The following USP40 variants were observed in gnomAD, a reference collection of about 807,000 sequenced individuals.
USP40 encodes the protein ubiquitin carboxyl-terminal hydrolase 40.
In USP40, 143 loss-of-function variants were observed where a neutral mutation model predicts 166.2. The observed-to-expected ratio is 0.86, with a 90% CI of 0.75 to 0.99. The LOEUF is 0.99. Ranked by LOEUF, USP40 falls within the 50% of genes least tolerant of loss-of-function variation. The pLI, the probability that USP40 is intolerant of heterozygous loss-of-function variation, is 0.00. For missense variants in USP40, 1,444 were observed against 1,479.7 expected (o/e 0.98, Z 0.40); for synonymous variants, 498 against 524.0 (o/e 0.95, Z 0.68).
At chr2:233,502,942 T>C (rs2066177736) in intron 21 of USP40, among the ~76,000 whole-genome samples, 1 of 152,108 alleles carries the variant, frequency 6.6e-6, no homozygotes, top group African/African-American at 2.4e-5. Context: ...AATGTGAAGA[T>C]ATCAACATAA....
At position 233,482,599 on chromosome 2, in the gene USP40, T is replaced by G. The variant is rs556930629; in HGVS notation, c.3505-1302A>C. On this transcript the variant is annotated intron_variant, in intron 30 of 31. Transcript: ENST00000678225. ...CCACTGGAGTTTTTTTTTTTTGTTT[T>G]TTTTTTTTTGACACACGGTCTGACT... 1.7e-3 allele frequency among the ~76,000 whole-genome samples: 245 copies of G among 142,404 alleles called. 1 individual carries two copies. Among genetic ancestry groups the G allele is most frequent in the African/African-American group, 6.9e-3 (225 of 32,630 alleles). The allele number at this position is 142,404 out of a possible 152,430, so 93.4% of individuals were successfully genotyped here.
At chr2:233,534,160 A>G (rs2068768860) in intron 10 of USP40, among the ~76,000 whole-genome samples, 1 of 152,228 alleles carries the variant, frequency 6.6e-6, no homozygotes, top group South Asian at 2.1e-4. Flanking sequence ...GTACCACCAT[A>G]AAAGATAATT....
At position 233,488,315 on chromosome 2, in the gene USP40, G is replaced by C; in HGVS notation, c.3132-11C>G. On this transcript the variant is annotated splice_polypyrimidine_tract_variant and intron_variant, in intron 27 of 31. Coordinates refer to ENST00000678225, the MANE Select transcript of USP40 (RefSeq NM_001365479.2). ...CCTAGTTTATATTCCCTGATAATAA[G>C]TGAAACAAGATAATATTGAGTGACA... 2 of 1,585,358 alleles carry C rather than the reference G, an allele frequency of 1.3e-6. No individual in the cohort carries two copies. The highest frequency in any genetic ancestry group is 1.7e-6 in the Non-Finnish European group (2 of 1,163,380).
chr2:233,479,836 C>T (rs573848813), intron 31 of USP40, among the ~76,000 whole-genome samples: 2 of 152,214 alleles, frequency 1.3e-5, no homozygotes, highest in South Asian at 4.1e-4. Context: ...TCAGCAAAGG[C>T]CACGGGACAG....
Position 233,555,560 on chromosome 2 carries a change from T to C in USP40, c.547-1034A>G, listed in dbSNP as rs115028323. ...TTTGAAAATACTCTGATTTACTACA[T>C]CATAGCTAAGTCAAGCATGTAGTAA... On this transcript the variant is annotated intron_variant, in intron 5 of 31. Coordinates refer to ENST00000678225, the MANE Select transcript of USP40 (RefSeq NM_001365479.2). Among the ~76,000 whole-genome samples the C allele has an allele frequency of 6.3e-3, 957 of 152,060 alleles. 5 individuals carry two copies. The highest frequency in any genetic ancestry group is 0.011 in the Non-Finnish European group (780 of 67,976).
intron 20 of USP40, among the ~76,000 whole-genome samples, chr2:233,511,356 G>A (rs1317720729): frequency 6.6e-6 from 1 of 152,130 alleles, no homozygotes; most frequent in Admixed American, 6.5e-5. Context: ...AGCTATAACT[G>A]CAGAACGTCC....
At chr2:233,528,002 A>T (rs1444154653) in intron 12 of USP40, among the ~76,000 whole-genome samples, 1 of 147,142 alleles carries the variant, frequency 6.8e-6, no homozygotes, top group Non-Finnish European at 1.5e-5. Flanking sequence ...TTTTTGAGAC[A>T]GAGTCTCACT....
At chr2:233,497,384 C>A (rs2065811762) in intron 23 of USP40, among the ~76,000 whole-genome samples, 1 of 152,076 alleles carries the variant, frequency 6.6e-6, no homozygotes, top group Non-Finnish European at 1.5e-5. Flanking sequence ...ATATGCATGA[C>A]ATTGAAGCAG....
At chr2:233,501,591 C>A (rs2066073523) in intron 21 of USP40, among the ~76,000 whole-genome samples, 1 of 152,128 alleles carries the variant, frequency 6.6e-6, no homozygotes. Context: ...TAGTAATGAA[C>A]AGAATGAGAT....
chr2:233,479,627 A>ACG (rs1553551137), intron 31 of USP40, among the ~76,000 whole-genome samples: 2 of 123,460 alleles, frequency 1.6e-5, no homozygotes, highest in Non-Finnish European at 3.5e-5. Flanking sequence ...ATAGAATTTT[A>ACG]CGTGTGTGTG....
At chr2:233,497,692 T>C (rs2065828046) in intron 23 of USP40, among the ~76,000 whole-genome samples, 1 of 152,242 alleles carries the variant, frequency 6.6e-6, no homozygotes, top group African/African-American at 2.4e-5. Context: ...CTGAAGCTAT[T>C]TGGGTAAATA....
At chr2:233,551,310 C>A in intron 7 of USP40, 66 bp downstream of exon 7, 3 of 1,484,002 alleles carry the variant, frequency 2.0e-6, no homozygotes, top group South Asian at 1.4e-5. Flanking sequence ...AACTGAAAAT[C>A]GGGTCAATAA....
At chr2:233,536,315 C>G (rs879369759) in intron 10 of USP40, among the ~76,000 whole-genome samples, 2 of 152,136 alleles carry the variant, frequency 1.3e-5, no homozygotes, top group Non-Finnish European at 2.9e-5. Flanking sequence ...AGTATAATAT[C>G]TGAAACGTAT....
chr2:233,482,511 G>A (rs776951431), intron 30 of USP40, among the ~76,000 whole-genome samples: 20 of 152,110 alleles, frequency 1.3e-4, no homozygotes, highest in East Asian at 1.9e-4. Flanking sequence ...TTGTATCGAC[G>A]GGCATCTGTG....
At chr2:233,484,785 G>C (rs1219978178) in intron 30 of USP40, among the ~76,000 whole-genome samples, 1 of 152,132 alleles carries the variant, frequency 6.6e-6, no homozygotes, top group Non-Finnish European at 1.5e-5. Context: ...GCCCAGCCTT[G>C]AATCTCCTTT....
intron 2 of USP40, among the ~76,000 whole-genome samples, chr2:233,564,017 T>C (rs1409329150): frequency 6.6e-6 from 1 of 152,258 alleles, no homozygotes; most frequent in East Asian, 1.9e-4. Flanking sequence ...ATTAGAAATG[T>C]ACTTATTAGT....
chr2:233,488,439 T>G, intron 27 of USP40, 135 bp from the exon 28 acceptor site: 1 of 750,718 alleles, frequency 1.3e-6, no homozygotes, highest in Middle Eastern at 3.4e-4. Context: ...CCCAAACTTT[T>G]GGAAAAGGGG....
At chr2:233,498,683 G>T in intron 22 of USP40, 71 bp from the exon 23 acceptor site, 1 of 1,303,322 alleles carries the variant, frequency 7.7e-7, no homozygotes. Flanking sequence ...ACTTCTAGAA[G>T]AATGTCTTGC....
intron 30 of USP40, among the ~76,000 whole-genome samples, chr2:233,482,380 C>G (rs967380650): frequency 2.7e-5 from 4 of 150,856 alleles, no homozygotes; most frequent in African/African-American, 9.8e-5. Context: ...AAAAAAAAAT[C>G]TGTCAATTTC....
Sources: gnomAD v4.1 joint callset for allele counts (sites outside exome capture counted in the v4.1 genomes callset) on GRCh38, gnomAD v4.1.1 for gene constraint, MANE v1.5 for transcripts, NCBI Gene and HGNC (gene_info 2026-07-23, HGNC 2026-07-21) for gene names.